NHS: variants seen among roughly 807,000 people sequenced by gnomAD.
NHS encodes actin remodeling regulator NHS.
NHS carries 5 observed loss-of-function variants against 72.5 expected under a neutral mutation model. The ratio of observed to expected loss-of-function variants is 0.07; its 90% CI spans 0.04 to 0.14. The LOEUF is 0.14. Ranked by LOEUF, NHS falls within the 10% of genes least tolerant of loss-of-function variation. The pLI is 1.00. For missense variants in NHS, 1,072 were observed against 1,355.7 expected, an observed-to-expected ratio of 0.79 and a Z score of 3.29; for synonymous variants, 464 against 547.7, an observed-to-expected ratio of 0.85 and a Z score of 2.13.
At chrX:17,628,681 C>T in intron 1 of NHS, among the ~76,000 whole-genome samples, 1 of 113,130 alleles carries the variant, frequency 8.8e-6, no homozygotes, top group South Asian at 3.6e-4. Context: ...ATAATGGGTT[C>T]CCTACCATTT....
chrX:17,564,980 TTTA>T (rs1269750000), intron 1 of NHS, among the ~76,000 whole-genome samples: 2,349 of 96,854 alleles, frequency 0.024, 87 homozygotes, highest in African/African-American at 0.12. Context: ...TTTTTTTTTA[TTTA>T]TTTTTTTTTT....
At chrX:17,567,367 C>A (rs2065449840) in intron 1 of NHS, among the ~76,000 whole-genome samples, 1 of 112,160 alleles carries the variant, frequency 8.9e-6, no homozygotes, top group South Asian at 3.7e-4. Context: ...TCACATCATT[C>A]TCTGTGATGA....
chrX:17,444,976 A>C (rs1376369983), intron 1 of NHS, among the ~76,000 whole-genome samples: 1 of 108,759 alleles, frequency 9.2e-6, no homozygotes, highest in East Asian at 2.8e-4. Context: ...CCCAGTTTAT[A>C]CTATTTTTTT....
chrX:17,506,553 A>AT (rs1342974700), intron 1 of NHS, among the ~76,000 whole-genome samples: 1 of 105,425 alleles, frequency 9.5e-6, no homozygotes, highest in African/African-American at 3.5e-5. Context: ...AAATAAATAA[A>AT]TAAATAAATA....
chrX:17,488,088 G>T (rs1408412747), intron 1 of NHS, among the ~76,000 whole-genome samples: 4 of 111,259 alleles, frequency 3.6e-5, no homozygotes, highest in Non-Finnish European at 5.7e-5. Flanking sequence ...TCGCCGCCTC[G>T]CTTCTGGCAG....
At chrX:17,561,557 T>TGG (rs2065412664) in intron 1 of NHS, among the ~76,000 whole-genome samples, 1 of 76,516 alleles carries the variant, frequency 1.3e-5, no homozygotes, top group Non-Finnish European at 2.4e-5. Flanking sequence ...TGCAAGTGCA[T>TGG]GCGCGCGCGC....
At chrX:17,665,049 A>G (rs919478303) in intron 1 of NHS, among the ~76,000 whole-genome samples, 1 of 109,258 alleles carries the variant, frequency 9.2e-6, no homozygotes, top group Non-Finnish European at 1.9e-5. Flanking sequence ...TATATAATCA[A>G]TTATATTTAT....
rs1178952843 is a variant in NHS, at chrX:17,712,310, CAT to C, written c.853-7025_853-7024del. Among the ~76,000 whole-genome samples the C allele has an allele frequency of 2.9e-3, 235 of 80,137 alleles. 1 individual carries two copies. Among genetic ancestry groups the C allele is most frequent in the Middle Eastern group, 0.012 (2 of 165 alleles). The allele number at this position is 80,137 out of a possible 115,157, so 69.6% of individuals were successfully genotyped here. A position where few individuals can be genotyped will look rare whatever the true frequency, so the allele number is the denominator to read the frequency against. ...ATATATACACACACACACACACACACATATATATATGTAAGGTCTTATTCTTG... is the reference window on the plus strand; with the variant it reads ...ATATATACACACACACACACACACACATATATATGTAAGGTCTTATTCTTG... On this transcript the variant is annotated intron_variant, in intron 3 of 8. Transcript: ENST00000676302.
At chrX:17,597,694 T>C (rs912523103) in intron 1 of NHS, among the ~76,000 whole-genome samples, 1 of 110,832 alleles carries the variant, frequency 9.0e-6, no homozygotes, top group Non-Finnish European at 1.9e-5. Flanking sequence ...TGAGTTAAAC[T>C]TCCTAAAGCA....
At chrX:17,396,600 A>G (rs1322377859) in intron 1 of NHS, among the ~76,000 whole-genome samples, 1 of 111,824 alleles carries the variant, frequency 8.9e-6, no homozygotes, top group East Asian at 2.8e-4. Flanking sequence ...CCAAAAACTA[A>G]TGAAAATTTG....
At chrX:17,562,925 G>A (rs940403099) in intron 1 of NHS, among the ~76,000 whole-genome samples, 15 of 111,707 alleles carry the variant, frequency 1.3e-4, no homozygotes, top group Admixed American at 1.1e-3. Context: ...CCTGGGTTGT[G>A]GACCAATAGT....
intron 1 of NHS, among the ~76,000 whole-genome samples, chrX:17,513,507 C>T (rs1206870074): frequency 8.9e-6 from 1 of 112,520 alleles, no homozygotes; most frequent in Non-Finnish European, 1.9e-5. Context: ...AGATCAACCA[C>T]ATCAGAATCT....
chrX:17,556,661 C>T (rs1387347495), intron 1 of NHS, among the ~76,000 whole-genome samples: 1 of 112,509 alleles, frequency 8.9e-6, no homozygotes, highest in African/African-American at 3.2e-5. Flanking sequence ...GAAGTGGCAG[C>T]GTTGAGCTCT....
intron 1 of NHS, among the ~76,000 whole-genome samples, chrX:17,434,515 T>C (rs180994222): frequency 0.014 from 1,406 of 101,859 alleles, 35 homozygotes; most frequent in African/African-American, 0.049. Context: ...GCGATCTTGG[T>C]TCACTGCAAG....
intron 1 of NHS, among the ~76,000 whole-genome samples, chrX:17,513,370 T>C (rs761918483): frequency 6.1e-4 from 69 of 112,387 alleles, no homozygotes; most frequent in Non-Finnish European, 1.0e-3. Context: ...AAGCAACTTA[T>C]ACACCACATG....
chrX:17,457,916 A>G (rs1304528114), intron 1 of NHS, among the ~76,000 whole-genome samples: 2 of 112,227 alleles, frequency 1.8e-5, no homozygotes, highest in Admixed American at 9.4e-5. Context: ...AGAGAAATGC[A>G]CAACCAAGAC....
intron 1 of NHS, among the ~76,000 whole-genome samples, chrX:17,485,389 G>A (rs747155018): frequency 8.9e-5 from 10 of 112,590 alleles, no homozygotes; most frequent in Non-Finnish European, 1.7e-4. Flanking sequence ...TGGCAATGGG[G>A]TCCAAATGGA....
chrX:17,391,845 A>G (rs1433642435), intron 1 of NHS, among the ~76,000 whole-genome samples: 1 of 111,603 alleles, frequency 9.0e-6, no homozygotes, highest in Non-Finnish European at 1.9e-5. Context: ...GCTTTGTGAG[A>G]CTGTCTGTAT....
chrX:17,381,070 C>A (rs900399738), intron 1 of NHS, among the ~76,000 whole-genome samples: 1 of 110,650 alleles, frequency 9.0e-6, no homozygotes, highest in Non-Finnish European at 1.9e-5. Flanking sequence ...AGGGAGGGAA[C>A]GTGAAGGCAT....
Sources: allele counts gnomAD v4.1 joint callset (sites outside exome capture counted in the v4.1 genomes callset), GRCh38; gene constraint gnomAD v4.1.1; transcripts MANE v1.5; gene names NCBI Gene and HGNC (gene_info 2026-07-23, HGNC 2026-07-21).